The following ARPC1A variants were observed in gnomAD, a reference collection of about 807,000 sequenced individuals.
ARPC1A encodes the protein actin-related protein 2/3 complex subunit 1A.
A neutral mutation model predicts 46.9 loss-of-function variants in ARPC1A; 8 were observed. The ratio of observed to expected loss-of-function variants is 0.17; its 90% CI spans 0.10 to 0.31. The LOEUF (loss-of-function observed/expected upper bound fraction) is 0.31, where lower values mean the gene tolerates loss of function less well. Ranked by LOEUF, ARPC1A falls within the 10% of genes least tolerant of loss-of-function variation. The pLI is 1.00. For synonymous variants in ARPC1A, 152 were observed against 169.0 expected (o/e 0.90, Z 0.78); for missense variants, 286 against 483.6 (o/e 0.59, Z 3.83).
At chr7:99,364,260 A>ATCTC (rs1358505081) in intron 9 of ARPC1A, among the ~76,000 whole-genome samples, 1 of 134,418 alleles carries the variant, frequency 7.4e-6, no homozygotes, top group Non-Finnish European at 1.6e-5. Context: ...AGCCTTGGAG[A>ATCTC]TCTCTCTCTT....
chr7:99,366,113 T>C lies in ARPC1A; in HGVS notation c.*184T>C. 1.4e-6 allele frequency: 1 copy of C among 717,762 alleles called. No individual in the cohort carries two copies. The highest frequency in any genetic ancestry group is 2.2e-6 in the Non-Finnish European group (1 of 451,584). 44.5% of individuals were successfully genotyped at this position (717,762 alleles called of 1,614,324 possible). On this transcript the variant is annotated 3_prime_UTR_variant, in exon 10 of 10. Coordinates refer to ENST00000262942, the MANE Select transcript of ARPC1A (RefSeq NM_006409.4). ...GGTTTTTTTAAGGCAGTAATTTTTT[T>C]GTTTGTTTTTTTGCGATTTCATTCC... is the stretch of plus-strand genomic sequence containing the variant.
At chr7:99,361,031 C>A (rs552727337) in intron 8 of ARPC1A, among the ~76,000 whole-genome samples, 1 of 151,058 alleles carries the variant, frequency 6.6e-6, no homozygotes, top group African/African-American at 2.4e-5. Context: ...ATGGGATTTT[C>A]CCTTACTGAG....
At chr7:99,355,970 G>A (rs1304443802) in intron 6 of ARPC1A, among the ~76,000 whole-genome samples, 3 of 152,192 alleles carry the variant, frequency 2.0e-5, no homozygotes, top group Non-Finnish European at 4.4e-5. Flanking sequence ...TGTGAGTGGC[G>A]TGTCTGTTCA....
chr7:99,329,052 G>T lies in ARPC1A; in HGVS notation c.-30+3048G>T, dbSNP rs190343055. On this transcript the variant is annotated intron_variant, in intron 1 of 9. Coordinates refer to ENST00000262942, the MANE Select transcript of ARPC1A (RefSeq NM_006409.4). ...GCGGTGGCTCACGCCTGTAATCCCA[G>T]CACTTTGGGAGGCCGAGGCAGGCGG... Among the ~76,000 whole-genome samples the T allele has an allele frequency of 6.0e-3, 911 of 152,074 alleles. 10 individuals carry two copies. The highest frequency in any genetic ancestry group is 0.021 in the African/African-American group (867 of 41,504).
chr7:99,335,182 G>A (rs1170649409), intron 2 of ARPC1A, among the ~76,000 whole-genome samples: 1 of 152,078 alleles, frequency 6.6e-6, no homozygotes, highest in Non-Finnish European at 1.5e-5. Context: ...TAGAGACAGG[G>A]ATGCGCTATG....
intron 6 of ARPC1A, among the ~76,000 whole-genome samples, chr7:99,357,541 G>A (rs2150872683): frequency 6.6e-6 from 1 of 151,048 alleles, no homozygotes; most frequent in South Asian, 2.1e-4. Flanking sequence ...TGTTGTCCAG[G>A]CTGATCTCAA....
At chr7:99,330,304 C>G (rs1171935972) in intron 1 of ARPC1A, among the ~76,000 whole-genome samples, 4 of 152,024 alleles carry the variant, frequency 2.6e-5, no homozygotes, top group South Asian at 2.1e-4. Context: ...GTTCCCCCCC[C>G]CTTTTTGTTT....
intron 6 of ARPC1A, among the ~76,000 whole-genome samples, chr7:99,356,768 C>T (rs1357082663): frequency 2.0e-5 from 3 of 151,956 alleles, no homozygotes; most frequent in Non-Finnish European, 4.4e-5. Flanking sequence ...GGCGTGGTGG[C>T]GGGCGCTTGT....
At chr7:99,359,021 T>C (rs564538722) in intron 7 of ARPC1A, among the ~76,000 whole-genome samples, 11 of 149,604 alleles carry the variant, frequency 7.4e-5, no homozygotes, top group East Asian at 2.1e-4. Flanking sequence ...TTAGTAGAGA[T>C]GGGGTTTCAC....
Position 99,344,466 on chromosome 7 carries a change from A to G in ARPC1A, c.343A>G (p.Ser115Gly). 1.2e-6 allele frequency: 2 copies of G among 1,613,992 alleles called. No homozygotes were observed. The highest frequency in any genetic ancestry group is 8.5e-7 in the Non-Finnish European group (1 of 1,179,888). The change falls in exon 4 of 10, where the codon AGT (serine) becomes GGT (glycine). Residue 115 changes from serine (S) to glycine (G), a missense_variant. Physicochemically the swap from Ser to Gly is moderately conservative, Grantham distance 56. This residue lies in a region of ARPC1A where 38 missense variants were observed against 95.8 expected (regional missense o/e 0.40). Transcript: ENST00000262942. ...SPLENKFAVG[S>G]GARLISVCYF... ...CCTAGAGAACAAATTTGCTGTGGGA[A>G]GTGGAGCACGACTCATTTCTGTTTG... is the stretch of plus-strand genomic sequence containing the variant.
Position 99,359,558 on chromosome 7 carries a change from G to T in ARPC1A, c.803G>T (p.Cys268Phe), listed in dbSNP as rs901011710. 3 of 1,613,892 alleles carry T rather than the reference G, an allele frequency of 1.9e-6. No individual in the cohort carries two copies. Among genetic ancestry groups the T allele is most frequent in the Non-Finnish European group, 2.5e-6 (3 of 1,180,026 alleles). The change falls in exon 8 of 10, where the codon TGC becomes TTC. Residue 268 changes from cysteine (C) to phenylalanine (F), a missense_variant. Transcript: ENST00000262942. Reference protein sequence around the residue: ...NSVVAAGHDCCPMLFNYDDRG... With the variant: ...NSVVAAGHDCFPMLFNYDDRG... ...GTCTTGTTTCAGGGCCATGACTGCT[G>T]CCCAATGCTCTTTAACTACGATGAC...
At chr7:99,365,132 G>A (rs1793812803) in intron 9 of ARPC1A, among the ~76,000 whole-genome samples, 1 of 152,140 alleles carries the variant, frequency 6.6e-6, no homozygotes. Flanking sequence ...GTGGTCCTCC[G>A]GAAGCACAGA....
At chr7:99,357,944 G>A (rs1019792087) in intron 6 of ARPC1A, among the ~76,000 whole-genome samples, 1 of 152,208 alleles carries the variant, frequency 6.6e-6, no homozygotes. Context: ...CCTAGCACAG[G>A]TGTCTGCTGC....
chr7:99,342,849 A>C (rs1490373349), intron 3 of ARPC1A, among the ~76,000 whole-genome samples: 3 of 150,990 alleles, frequency 2.0e-5, no homozygotes, highest in Non-Finnish European at 4.4e-5. Flanking sequence ...CAGCCTCCTA[A>C]GTAGCTGGGA....
intron 2 of ARPC1A, among the ~76,000 whole-genome samples, chr7:99,334,127 G>A (rs148650960): frequency 1.3e-5 from 2 of 151,410 alleles, no homozygotes; most frequent in African/African-American, 4.9e-5. Context: ...TTGGGAGACC[G>A]AGGCGGGCAG....
In ARPC1A at chr7:99,325,956, A is replaced by C. The variant is rs1044407621; in HGVS notation, c.-78A>C. The C allele has an allele frequency of 6.6e-6, 1 of 152,498 alleles. No individual in the cohort carries two copies. Among genetic ancestry groups the C allele is most frequent in the African/African-American group, 2.4e-5 (1 of 41,438 alleles). 9.4% of individuals were successfully genotyped at this position (152,498 alleles called of 1,614,324 possible). A position where few individuals can be genotyped will look rare whatever the true frequency, so the allele number is the denominator to read the frequency against. ...GAGCCTGTTCGCGTCGACTGCCCAG[A>C]GTCCGCGAATCCTCCGCTCCGAGCC... On this transcript the variant is annotated 5_prime_UTR_variant, in exon 1 of 10. Coordinates refer to ENST00000262942, the MANE Select transcript of ARPC1A (RefSeq NM_006409.4).
At chr7:99,359,493 A>G (rs757687212) in intron 7 of ARPC1A, 52 bp from the exon 8 acceptor site, 1 of 1,553,972 alleles carries the variant, frequency 6.4e-7, no homozygotes, top group Non-Finnish European at 8.8e-7. Context: ...TCTGCCAAGG[A>G]GGTGGGCGGT....
chr7:99,328,350 C>G (rs1793085668), intron 1 of ARPC1A, among the ~76,000 whole-genome samples: 1 of 152,128 alleles, frequency 6.6e-6, no homozygotes. Context: ...GCCTAGGCAA[C>G]AAGAGCAAAA....
chr7:99,353,842 C>T (rs1024358333), intron 5 of ARPC1A, 67 bp from the exon 6 acceptor site: 105 of 1,474,626 alleles, frequency 7.1e-5, no homozygotes, highest in Middle Eastern at 1.7e-4. Flanking sequence ...TGGCAGCTGC[C>T]TATGGCCTGT....
Sources: allele counts gnomAD v4.1 joint callset (sites outside exome capture counted in the v4.1 genomes callset), GRCh38; gene constraint gnomAD v4.1.1; regional missense constraint gnomAD v4.1.1; transcripts MANE v1.5; gene names NCBI Gene and HGNC (gene_info 2026-07-23, HGNC 2026-07-21).